The following PSMF1 variants were observed in gnomAD, a reference collection of about 807,000 sequenced individuals.
PSMF1 encodes the protein proteasome inhibitor subunit 1.
Under a neutral mutation model 29.3 loss-of-function variants are expected in PSMF1, and 30 were observed. The ratio of observed to expected loss-of-function variants is 1.02; its 90% CI spans 0.77 to 1.39. The LOEUF (loss-of-function observed/expected upper bound fraction) is 1.39. Ranked by LOEUF, PSMF1 falls within the 40% of genes most tolerant of loss-of-function variation. The pLI is 0.00. For missense variants in PSMF1, 344 were observed against 357.5 expected, an observed-to-expected ratio of 0.96 and a Z score of 0.31; for synonymous variants, 134 against 139.7, an observed-to-expected ratio of 0.96 and a Z score of 0.29.
Position 1,171,578 on chromosome 20 carries a change from G to C in PSMF1, c.*6498G>C, listed in dbSNP as rs1173160762. On this transcript the variant is annotated 3_prime_UTR_variant, in exon 7 of 7. Transcript: ENST00000335877. ...CCAAATCAGTCATGGAGGTCCCTGA[G>C]TGACAAAAATATGCAGGACCCCTTC... Among the ~76,000 whole-genome samples the C allele has an allele frequency of 1.3e-5, 2 of 152,202 alleles. No individual in the cohort carries two copies. The highest frequency in any genetic ancestry group is 4.8e-5 in the African/African-American group (2 of 41,444).
At chr20:1,145,841 C>G (rs1319151093) in intron 4 of PSMF1, among the ~76,000 whole-genome samples, 1 of 152,208 alleles carries the variant, frequency 6.6e-6, no homozygotes, top group East Asian at 1.9e-4. Flanking sequence ...CTGCCCCAAC[C>G]TGGTTTTGGT....
intron 1 of PSMF1, among the ~76,000 whole-genome samples, chr20:1,113,580 G>C (rs6077776): frequency 6.6e-6 from 1 of 151,900 alleles, no homozygotes; most frequent in Admixed American, 6.6e-5. Flanking sequence ...GCCTTCAGGG[G>C]ATTCACAGCC....
chr20:1,128,180 C>G (rs1056426088), intron 3 of PSMF1, among the ~76,000 whole-genome samples: 4 of 152,194 alleles, frequency 2.6e-5, no homozygotes, highest in Non-Finnish European at 4.4e-5. Context: ...TGCTGGCAAC[C>G]ACTGATCTTT....
At chr20:1,136,469 T>G (rs574591629) in intron 4 of PSMF1, among the ~76,000 whole-genome samples, 1 of 152,252 alleles carries the variant, frequency 6.6e-6, no homozygotes, top group South Asian at 2.1e-4. Flanking sequence ...TCAGCTTTAT[T>G]AGACCCAATG....
chr20:1,133,569 A>ATATATATATATTTTTT, intron 3 of PSMF1, among the ~76,000 whole-genome samples: 13 of 53,302 alleles, frequency 2.4e-4, no homozygotes, highest in South Asian at 1.4e-3. Context: ...ATATATATAT[A>ATATATATATATTTTTT]TTTTTTTTTT....
Position 1,118,785 on chromosome 20 carries a change from G to A in PSMF1, c.12G>A (p.Leu4=), listed in dbSNP as rs1410477029. Residue 4 remains leucine, a synonymous_variant, in exon 1 of 7, where the codon CTG becomes CTA. Coordinates refer to ENST00000335877, the MANE Select transcript of PSMF1 (RefSeq NM_006814.5). MAG[L]EVLFASAAPA... ...AGTCGCGGGCGCTCATGGCGGGCCT[G>A]GAGGTACTGTTCGCATCGGCAGCGC... The A allele has an allele frequency of 6.2e-7, 1 of 1,611,920 alleles. No individual in the cohort carries two copies. Among genetic ancestry groups the A allele is most frequent in the Admixed American group, 1.7e-5 (1 of 59,946 alleles).
At chr20:1,113,605 G>C (rs541786986), upstream of PSMF1, among the ~76,000 whole-genome samples, 20 of 152,134 alleles carry the variant, frequency 1.3e-4, no homozygotes, top group Admixed American at 2.6e-4. Flanking sequence ...GCAAGAGATA[G>C]AGCTCACCTC....
rs1399691009 is a variant in PSMF1 at position 1,165,740 on chromosome 20, A to G, written c.*660A>G. ...GGCAGGAACATTGTGGAAAGACTGC[A>G]TCATTCTGATGAGGCAAAATCCTCC... On this transcript the variant is annotated 3_prime_UTR_variant, in exon 7 of 7. Transcript: ENST00000335877. The G allele has an allele frequency of 3.0e-6, 3 of 1,014,186 alleles. No homozygotes were observed. The highest frequency in any genetic ancestry group is 5.1e-5 in the Admixed American group (1 of 19,594). 62.8% of individuals were successfully genotyped at this position (1,014,186 alleles called of 1,614,324 possible).
At chr20:1,123,045 T>C (rs2086110017) in intron 1 of PSMF1, among the ~76,000 whole-genome samples, 1 of 152,216 alleles carries the variant, frequency 6.6e-6, no homozygotes, top group African/African-American at 2.4e-5. Flanking sequence ...TTTACCCAGT[T>C]TGGGGTGAGG....
rs548258231 is a variant in PSMF1, at chr20:1,166,539, T to A, written c.*1459T>A. 19 of 447,614 alleles carry A rather than the reference T, an allele frequency of 4.2e-5. No individual in the cohort carries two copies. The highest frequency in any genetic ancestry group is 3.4e-4 in the Admixed American group (10 of 29,426). 27.7% of individuals were successfully genotyped at this position (447,614 alleles called of 1,614,324 possible). ...GGTAGATGAAAACTAAACTGATGCC[T>A]AGGCCCAGGGTCAGTCTCAGATGGA... is the stretch of plus-strand genomic sequence containing the variant. On this transcript the variant is annotated 3_prime_UTR_variant, in exon 7 of 7. Coordinates refer to ENST00000335877, the MANE Select transcript of PSMF1 (RefSeq NM_006814.5).
Position 1,127,261 on chromosome 20 carries a change from G to A in PSMF1, c.283-165G>A, listed in dbSNP as rs1309962398. ...AAGGCAATATTCCTAAATCAGAGAA[G>A]TCTCCAAGCCTTAGGAAGGTATTTC... On this transcript the variant is annotated intron_variant, in intron 2 of 6. Transcript: ENST00000335877. 3.9e-6 allele frequency: 3 copies of A among 769,496 alleles called. No homozygotes were observed. In the African/African-American group the frequency reaches 5.1e-5, roughly 13 times the overall value. 47.7% of individuals were successfully genotyped at this position (769,496 alleles called of 1,614,324 possible). A position where few individuals can be genotyped will look rare whatever the true frequency, so the allele number is the denominator to read the frequency against.
chr20:1,144,142 G>T (rs1335502594), intron 4 of PSMF1, among the ~76,000 whole-genome samples: 1 of 152,092 alleles, frequency 6.6e-6, no homozygotes, highest in Non-Finnish European at 1.5e-5. Context: ...ACACTGAGAA[G>T]GATGTACAGA....
chr20:1,153,642 T>C (rs1241940467), intron 4 of PSMF1, among the ~76,000 whole-genome samples: 1 of 152,184 alleles, frequency 6.6e-6, no homozygotes, highest in Non-Finnish European at 1.5e-5. Flanking sequence ...GGGGATCGAA[T>C]TCCATCTACC....
rs767332849 is a variant in PSMF1 at position 1,168,392 on chromosome 20, G to A, written c.*3312G>A. ...TTCTAAATTGTCTTTTGGTGGTGAA[G>A]TGCCATAGACCATTTCGGACCATTT... On this transcript the variant is annotated 3_prime_UTR_variant, in exon 7 of 7. Transcript: ENST00000335877. 6.6e-6 allele frequency: 1 copy of A among 152,198 alleles called. No homozygotes were observed. Among genetic ancestry groups the A allele is most frequent in the Non-Finnish European group, 1.5e-5 (1 of 68,040 alleles). 9.4% of individuals were successfully genotyped at this position (152,198 alleles called of 1,614,324 possible).
At chr20:1,144,228 G>A (rs1158013778) in intron 4 of PSMF1, among the ~76,000 whole-genome samples, 1 of 152,158 alleles carries the variant, frequency 6.6e-6, no homozygotes, top group African/African-American at 2.4e-5. Context: ...AACCACAATG[G>A]GAGTTTCACA....
chr20:1,140,469 A>T (rs1424841477), intron 4 of PSMF1, among the ~76,000 whole-genome samples: 1 of 152,188 alleles, frequency 6.6e-6, no homozygotes, highest in Non-Finnish European at 1.5e-5. Flanking sequence ...TAAGAGCTTG[A>T]ACTATAAAAT....
At chr20:1,158,569 G>A (rs1230380661) in intron 4 of PSMF1, among the ~76,000 whole-genome samples, 2 of 152,200 alleles carry the variant, frequency 1.3e-5, no homozygotes, top group African/African-American at 4.8e-5. Context: ...AACGAGGTGT[G>A]TTGCTTTTAT....
chr20:1,134,919 G>T, intron 3 of PSMF1: 2 of 670,248 alleles, frequency 3.0e-6, no homozygotes, highest in South Asian at 3.1e-5. Context: ...AAGAAGCTTG[G>T]GCCCAAATCT....
chr20:1,118,691 T>A lies in PSMF1; in HGVS notation c.-83T>A. The A allele has an allele frequency of 6.8e-7, 1 of 1,470,016 alleles. No homozygotes were observed. Among genetic ancestry groups the A allele is most frequent in the Non-Finnish European group, 9.2e-7 (1 of 1,084,810 alleles). 91.1% of individuals were successfully genotyped at this position (1,470,016 alleles called of 1,614,324 possible). A position where few individuals can be genotyped will look rare whatever the true frequency, so the allele number is the denominator to read the frequency against. ...AACCAGCGCAAGAGGGAAGCAGAGT[T>A]ATAGCTACCCCGGCCGCGGAGCCGG... On this transcript the variant is annotated 5_prime_UTR_variant, in exon 1 of 7. Transcript: ENST00000335877.
Sources: gnomAD v4.1 joint callset for allele counts (sites outside exome capture counted in the v4.1 genomes callset) on GRCh38, gnomAD v4.1.1 for gene constraint, MANE v1.5 for transcripts, NCBI Gene and HGNC (gene_info 2026-07-23, HGNC 2026-07-21) for gene names.